Variants in FBXO40 observed in about 807,000 individuals in gnomAD.
FBXO40 encodes F-box protein 40, also known as F-box only protein 40.
FBXO40 carries 50 observed loss-of-function variants against 49.9 expected under a neutral mutation model. The ratio of observed to expected loss-of-function variants is 1.00; its 90% CI spans 0.80 to 1.27. FBXO40 has a LOEUF of 1.27. Ranked by LOEUF, FBXO40 falls within the 50% of genes most tolerant of loss-of-function variation. FBXO40 has a pLI of 0.00. For missense variants in FBXO40, 895 were observed against 870.1 expected (o/e 1.03, Z -0.36); for synonymous variants, 340 against 320.2 (o/e 1.06, Z -0.66).
chr3:121,604,913 T>C (rs1389139846), intron 1 of FBXO40, among the ~76,000 whole-genome samples: 1 of 151,878 alleles, frequency 6.6e-6, no homozygotes, highest in African/African-American at 2.4e-5. Flanking sequence ...ACATACTGGT[T>C]ATGTGGAGAA....
chr3:121,600,699 C>T (rs1251074770), intron 1 of FBXO40, among the ~76,000 whole-genome samples: 2 of 152,228 alleles, frequency 1.3e-5, no homozygotes, highest in Admixed American at 6.5e-5. Flanking sequence ...TGAAGACAGA[C>T]AGGCCTAGGC....
intron 3 of FBXO40, 23 bp from the exon 4 acceptor site, chr3:121,626,672 T>G: frequency 6.2e-7 from 1 of 1,612,442 alleles, no homozygotes; most frequent in East Asian, 2.2e-5. Context: ...TATTCACCTT[T>G]GAACTTCTAT....
At chr3:121,614,522 G>A (rs906691025) in intron 1 of FBXO40, among the ~76,000 whole-genome samples, 19 of 152,260 alleles carry the variant, frequency 1.2e-4, no homozygotes, top group South Asian at 2.1e-4. Context: ...TGAAACAAAG[G>A]CAGCAAGCCG....
At chr3:121,605,352 A>G (rs112135020) in intron 1 of FBXO40, among the ~76,000 whole-genome samples, 66 of 152,316 alleles carry the variant, frequency 4.3e-4, no homozygotes, top group Middle Eastern at 3.4e-3. Context: ...CACATATCCA[A>G]TGAGTTCCTA....
chr3:121,612,719 C>A (rs2048973050), intron 1 of FBXO40, among the ~76,000 whole-genome samples: 1 of 152,056 alleles, frequency 6.6e-6, no homozygotes, highest in Admixed American at 6.5e-5. Context: ...CGCTGTAACA[C>A]CTGAGGTCCA....
chr3:121,599,705 CATATAT>C (rs1191192350), intron 1 of FBXO40, among the ~76,000 whole-genome samples: 2 of 59,534 alleles, frequency 3.4e-5, no homozygotes, highest in African/African-American at 1.2e-4. Context: ...CACACACACA[CATATAT>C]ATATATATAT....
chr3:121,607,324 T>C (rs1415874202), intron 1 of FBXO40, among the ~76,000 whole-genome samples: 1 of 137,696 alleles, frequency 7.3e-6, no homozygotes, highest in East Asian at 2.3e-4. Flanking sequence ...TTTTTTTTTT[T>C]TGTGAGATGG....
rs1576457639 is a variant in FBXO40, at chr3:121,627,104, G to A, written c.*194G>A. The A allele has an allele frequency of 1.8e-6, 1 of 563,334 alleles. No individual in the cohort carries two copies. Among genetic ancestry groups the A allele is most frequent in the East Asian group, 2.9e-5 (1 of 35,046 alleles). 34.9% of individuals were successfully genotyped at this position (563,334 alleles called of 1,614,324 possible). A position where few individuals can be genotyped will look rare whatever the true frequency, so the allele number is the denominator to read the frequency against. On this transcript the variant is annotated 3_prime_UTR_variant, in exon 4 of 4. Coordinates refer to ENST00000338040, the MANE Select transcript of FBXO40 (RefSeq NM_016298.4). Reference sequence around the variant, plus strand: ...TTCCTAAGCCATGTCTTGTACCATAGTGCCACATTGATGACTTGTTTCCTT... The same window carrying A: ...TTCCTAAGCCATGTCTTGTACCATAATGCCACATTGATGACTTGTTTCCTT...
chr3:121,606,065 G>T (rs1414023410), intron 1 of FBXO40, among the ~76,000 whole-genome samples: 2 of 152,330 alleles, frequency 1.3e-5, no homozygotes, highest in South Asian at 4.1e-4. Context: ...CATAGATATT[G>T]CTTACCCAGA....
intron 1 of FBXO40, among the ~76,000 whole-genome samples, chr3:121,617,857 A>G (rs1020127888): frequency 6.6e-6 from 1 of 151,944 alleles, no homozygotes; most frequent in Non-Finnish European, 1.5e-5. Context: ...AAAATTAGCC[A>G]GGTGTGGTAG....
chr3:121,603,018 G>C (rs993207206), intron 1 of FBXO40, among the ~76,000 whole-genome samples: 1 of 152,192 alleles, frequency 6.6e-6, no homozygotes, highest in Non-Finnish European at 1.5e-5. Flanking sequence ...AGATCAAGAT[G>C]CCAGCAGATT....
chr3:121,622,954 C>T lies in FBXO40; in HGVS notation c.1525C>T (p.His509Tyr), dbSNP rs780903030. Residue 509 changes from histidine to tyrosine, a missense_variant, in exon 3 of 4, where the codon CAT becomes TAT. Coordinates refer to ENST00000338040, the MANE Select transcript of FBXO40 (RefSeq NM_016298.4). Reference sequence around the variant, plus strand: ...GTCATGTCTCAATGGCTGGTTCCAGCATCGATGCCCCCTCGCCTACTTGGG... The same window carrying T: ...GTCATGTCTCAATGGCTGGTTCCAGTATCGATGCCCCCTCGCCTACTTGGG... The part of the protein sequence containing the change: ...IQSCLNGWFQ[H>Y]RCPLAYLGCT... The T allele has an allele frequency of 6.2e-6, 10 of 1,614,116 alleles. No individual in the cohort carries two copies. Among genetic ancestry groups the T allele is most frequent in the Middle Eastern group, 3.3e-4 (2 of 6,084 alleles).
At position 121,627,133 on chromosome 3, in the gene FBXO40, T is replaced by A. The variant is rs1427403181; in HGVS notation, c.*223T>A. On this transcript the variant is annotated 3_prime_UTR_variant, in exon 4 of 4. Transcript: ENST00000338040. ...CACATTGATGACTTGTTTCCTTTTT[T>A]CTTTTCTTTTCTTTTCTTTTTTCTT... 1 of 524,128 alleles carries A rather than the reference T, an allele frequency of 1.9e-6. No individual in the cohort carries two copies. The highest frequency in any genetic ancestry group is 3.4e-5 in the Admixed American group (1 of 29,728). 32.5% of individuals were successfully genotyped at this position (524,128 alleles called of 1,614,324 possible).
Position 121,621,443 on chromosome 3 carries a change from G to A in FBXO40, c.14G>A (p.Arg5His), listed in dbSNP as rs200897227. The change falls in exon 3 of 4, where the codon CGC (arginine) becomes CAC (histidine). Residue 5 changes from arginine (R) to histidine (H), a missense_variant. By Grantham distance (29) the Arg-to-His change is conservative. Coordinates refer to ENST00000338040, the MANE Select transcript of FBXO40 (RefSeq NM_016298.4). Reference sequence around the variant, plus strand: ...CCTTGGTGTGTCCAGGGGAAAGCCCGCAGATCCCCGCCAGGGCACCACAGG... The same window carrying A: ...CCTTGGTGTGTCCAGGGGAAAGCCCACAGATCCCCGCCAGGGCACCACAGG... MGKA[R>H]RSPPGHHRHC... The A allele has an allele frequency of 3.0e-5, 48 of 1,612,528 alleles. No homozygotes were observed. Among genetic ancestry groups the A allele is most frequent in the African/African-American group, 9.3e-5 (7 of 75,018 alleles).
chr3:121,593,947 C>A (rs779383380), intron 1 of FBXO40, among the ~76,000 whole-genome samples: 1 of 152,052 alleles, frequency 6.6e-6, no homozygotes, highest in African/African-American at 2.4e-5. Flanking sequence ...CTCACTGCAG[C>A]CCCTACCTCC....
chr3:121,618,632 G>T (rs966419496), intron 1 of FBXO40, among the ~76,000 whole-genome samples: 1 of 151,636 alleles, frequency 6.6e-6, no homozygotes, highest in African/African-American at 2.4e-5. Context: ...CTGATGTCAG[G>T]TGATCCACCC....
chr3:121,622,205 A>G lies in FBXO40; in HGVS notation c.776A>G (p.Glu259Gly), dbSNP rs2049035736. ...ATTTCCAGTGGCCATAACATGGTAG[A>G]AGGAGAGGGCGCTCCCAAAAAGAAA... ...EQISSGHNMV[E>G]GEGAPKKKEP... Residue 259 changes from glutamate to glycine, a missense_variant, in exon 3 of 4, where the codon GAA becomes GGA. Coordinates refer to ENST00000338040, the MANE Select transcript of FBXO40 (RefSeq NM_016298.4). 1 of 1,613,896 alleles carries G rather than the reference A, an allele frequency of 6.2e-7. No homozygotes were observed. The highest frequency in any genetic ancestry group is 1.7e-5 in the Admixed American group (1 of 59,974).
Position 121,626,972 on chromosome 3 carries a change from C to A in FBXO40, c.*62C>A. ...TCTTCTCGGAGTTCCTGAAGTAGGA[C>A]AGAGTGTGTGGTTTTGAGGACTCCC... On this transcript the variant is annotated 3_prime_UTR_variant, in exon 4 of 4. Coordinates refer to ENST00000338040, the MANE Select transcript of FBXO40 (RefSeq NM_016298.4). 1 of 1,527,174 alleles carries A rather than the reference C, an allele frequency of 6.5e-7. No individual in the cohort carries two copies. Among genetic ancestry groups the A allele is most frequent in the Non-Finnish European group, 9.0e-7 (1 of 1,106,666 alleles). 94.6% of individuals were successfully genotyped at this position (1,527,174 alleles called of 1,614,324 possible). A position where few individuals can be genotyped will look rare whatever the true frequency, so the allele number is the denominator to read the frequency against.
chr3:121,622,596 C>T lies in FBXO40; in HGVS notation c.1167C>T (p.Asp389=). 6.2e-7 allele frequency: 1 copy of T among 1,614,186 alleles called. No homozygotes were observed. The highest frequency in any genetic ancestry group is 8.5e-7 in the Non-Finnish European group (1 of 1,180,028). ...CAGATTTGGGGATCACTGTGGAGGA[C>T]CTGCCCAAATCAGATCTCATCAAGA... ...DTSDLGITVE[D]LPKSDLIKTT... Residue 389 remains aspartate (D), a synonymous_variant, in exon 3 of 4, where the codon GAC becomes GAT. Transcript: ENST00000338040.
Sources: gnomAD v4.1 joint callset for allele counts (sites outside exome capture counted in the v4.1 genomes callset) on GRCh38, gnomAD v4.1.1 for gene constraint, MANE v1.5 for transcripts, NCBI Gene and HGNC (gene_info 2026-07-23, HGNC 2026-07-21) for gene names.